The following AKAP13 variants were observed in gnomAD, a reference collection of about 807,000 sequenced individuals.
AKAP13 encodes the protein A-kinase anchor protein 13.
AKAP13 carries 80 observed loss-of-function variants against 264.5 expected under a neutral mutation model. The ratio of observed to expected loss-of-function variants is 0.30; its 90% confidence interval spans 0.25 to 0.36. The LOEUF (loss-of-function observed/expected upper bound fraction) is 0.36. Among genes scored for constraint, AKAP13 ranks in the 10% least tolerant of loss-of-function variants. The pLI, the probability that AKAP13 is intolerant of heterozygous loss-of-function variation, is 1.00. For synonymous variants in AKAP13, 1,380 were observed against 1,250.2 expected (o/e 1.10, Z -2.19); for missense variants, 3,712 against 3,435.2 (o/e 1.08, Z -2.01).
At position 85,735,145 on chromosome 15, in the gene AKAP13, C is replaced by T; in HGVS notation, c.7436C>T (p.Ser2479Leu). The stretch of plus-strand genomic sequence containing the variant: ...TTTGACAGCCATCAGATGAATGCTT[C>T]AAAAGGTAAATGATGTGAAGTCATG... ...GGFDSHQMNA[S>L]KGGEKEEGDD... is the part of the protein sequence containing the mutation. The change falls in exon 31 of 37, where the codon TCA becomes TTA. Residue 2479 changes from serine to leucine, a missense_variant. By Grantham distance (145) the Ser-to-Leu change is moderately radical. This residue lies in a region of AKAP13 where 611 missense variants were observed against 539.3 expected (regional missense o/e 1.13). Coordinates refer to ENST00000394518, the MANE Select transcript of AKAP13 (RefSeq NM_007200.5). 6.2e-7 allele frequency: 1 copy of T among 1,613,360 alleles called. No individual in the cohort carries two copies. Among genetic ancestry groups the T allele is most frequent in the Non-Finnish European group, 8.5e-7 (1 of 1,179,754 alleles).
At chr15:85,596,452 G>A (rs1419387487) in intron 8 of AKAP13, among the ~76,000 whole-genome samples, 2 of 152,034 alleles carry the variant, frequency 1.3e-5, no homozygotes, top group Non-Finnish European at 2.9e-5. Flanking sequence ...ACAAAAATTA[G>A]CCAGGCGTGG....
chr15:85,556,104 G>A (rs527331908), intron 5 of AKAP13, among the ~76,000 whole-genome samples: 34 of 152,142 alleles, frequency 2.2e-4, no homozygotes, highest in Non-Finnish European at 4.4e-4. Flanking sequence ...GATTGTGGCC[G>A]TTTCACTTAC....
chr15:85,393,569 A>G (rs915938378), intron 1 of AKAP13, among the ~76,000 whole-genome samples: 1 of 152,244 alleles, frequency 6.6e-6, no homozygotes, highest in African/African-American at 2.4e-5. Context: ...TTGAAAAAGT[A>G]AAGTTACTAT....
At chr15:85,673,795 C>G (rs187824329) in intron 14 of AKAP13, among the ~76,000 whole-genome samples, 1 of 148,622 alleles carries the variant, frequency 6.7e-6, no homozygotes, top group African/African-American at 2.5e-5. Flanking sequence ...ATGCCATTCT[C>G]CTGCCTCAAC....
chr15:85,633,239 G>A (rs62022872), intron 8 of AKAP13, among the ~76,000 whole-genome samples: 1 of 152,056 alleles, frequency 6.6e-6, no homozygotes, highest in Non-Finnish European at 1.5e-5. Flanking sequence ...CAGTAATATG[G>A]TAATTCGTAG....
At chr15:85,469,073 C>G (rs1393158127) in intron 1 of AKAP13, among the ~76,000 whole-genome samples, 1 of 137,838 alleles carries the variant, frequency 7.3e-6, no homozygotes, top group Non-Finnish European at 1.5e-5. Context: ...CACCACCACG[C>G]CCAGCTAATT....
intron 17 of AKAP13, among the ~76,000 whole-genome samples, chr15:85,703,395 T>G (rs1338482513): frequency 6.6e-6 from 1 of 152,240 alleles, no homozygotes; most frequent in East Asian, 1.9e-4. Context: ...TGGGGCTACT[T>G]CAGCTGAGAT....
rs142818288 is a variant in AKAP13 at position 85,508,092 on chromosome 15, G to A, written c.34-13336G>A. 3.3e-3 allele frequency among the ~76,000 whole-genome samples: 494 copies of A among 151,828 alleles called. 4 individuals carry two copies. The highest frequency in any genetic ancestry group is 8.5e-3 in the African/African-American group (353 of 41,394). ...CTCAAAGCATTTCAAGCAGGAATGA[G>A]CCCTGAGTAATATTGATGGAGCCTC... On this transcript the variant is annotated intron_variant, in intron 2 of 36. Transcript: ENST00000394518.
chr15:85,580,776 CTTTAGA>C lies in AKAP13; in HGVS notation c.2711_2716del (p.Leu904_Asp905del). 1.2e-6 allele frequency: 2 copies of C among 1,614,074 alleles called. No homozygotes were observed. Among genetic ancestry groups the C allele is most frequent in the Non-Finnish European group, 1.7e-6 (2 of 1,180,006 alleles). Reference sequence around the variant, plus strand: ...CAAAGTGTGGGTAAGGCCACTTTGGCTTTAGATTCAGTTTTGACTGAAGAAGGAAAA... The same window carrying C: ...CAAAGTGTGGGTAAGGCCACTTTGGCTTCAGTTTTGACTGAAGAAGGAAAA... On this transcript the variant is annotated inframe_deletion, in exon 7 of 37. Coordinates refer to ENST00000394518, the MANE Select transcript of AKAP13 (RefSeq NM_007200.5).
intron 2 of AKAP13, among the ~76,000 whole-genome samples, chr15:85,506,812 G>T (rs2076238391): frequency 6.6e-6 from 1 of 152,108 alleles, no homozygotes; most frequent in South Asian, 2.1e-4. Flanking sequence ...TCGTTTCATG[G>T]GCCCCCTTGG....
chr15:85,650,787 A>AAAAC (rs1567175492), intron 10 of AKAP13, among the ~76,000 whole-genome samples: 4 of 130,722 alleles, frequency 3.1e-5, no homozygotes, highest in African/African-American at 5.6e-5. Context: ...AAAAAAAAAA[A>AAAAC]AAACAACAAA....
At chr15:85,743,441 C>G in intron 35 of AKAP13, 51 bp from the exon 36 acceptor site, 1 of 1,568,094 alleles carries the variant, frequency 6.4e-7, no homozygotes, top group Admixed American at 1.8e-5. Context: ...GAGTTGGCAT[C>G]ACGGACGCTG....
chr15:85,421,308 C>G (rs866479051), intron 1 of AKAP13, among the ~76,000 whole-genome samples: 1 of 152,228 alleles, frequency 6.6e-6, no homozygotes, highest in African/African-American at 2.4e-5. Flanking sequence ...CACATTTGAA[C>G]TTGTGGAACA....
chr15:85,416,037 T>A (rs1191409486), intron 1 of AKAP13, among the ~76,000 whole-genome samples: 1 of 152,130 alleles, frequency 6.6e-6, no homozygotes, highest in African/African-American at 2.4e-5. Context: ...AAGATTCGAA[T>A]GAAGTGAGAT....
chr15:85,493,260 G>T (rs978411923), intron 2 of AKAP13, among the ~76,000 whole-genome samples: 1 of 152,178 alleles, frequency 6.6e-6, no homozygotes, highest in African/African-American at 2.4e-5. Flanking sequence ...AACATTCATT[G>T]AGTGAGTGAA....
chr15:85,405,650 A>G (rs1242025902), intron 1 of AKAP13, among the ~76,000 whole-genome samples: 1 of 152,234 alleles, frequency 6.6e-6, no homozygotes, highest in Non-Finnish European at 1.5e-5. Context: ...TTATTGAGCT[A>G]GTAAGGGCAG....
rs2151784332 is a variant in AKAP13 at position 85,741,080 on chromosome 15, A to T, written c.7643A>T (p.Asp2548Val). The T allele has an allele frequency of 1.9e-6, 3 of 1,613,040 alleles. No homozygotes were observed. The highest frequency in any genetic ancestry group is 2.2e-5 in the South Asian group (2 of 90,960). The stretch of plus-strand genomic sequence containing the variant: ...CTGCAGCAGGACAGCTACATTGAGG[A>T]CCAGAAACTGGTGCTGAGCGAGAGG... ...VVLQQDSYIE[D>V]QKLVLSERAL... is the part of the protein sequence containing the mutation. Residue 2548 changes from aspartate (D) to valine (V), a missense_variant, in exon 35 of 37, where the codon GAC (aspartate) becomes GTC (valine). Physicochemically the swap from Asp to Val is radical, Grantham distance 152. Around this residue, in one of 3 missense-constraint regions of AKAP13, gnomAD observed 611 missense variants for 539.3 expected, o/e 1.13. Coordinates refer to ENST00000394518, the MANE Select transcript of AKAP13 (RefSeq NM_007200.5).
At chr15:85,614,263 G>A (rs554550096) in intron 8 of AKAP13, among the ~76,000 whole-genome samples, 2 of 152,300 alleles carry the variant, frequency 1.3e-5, no homozygotes, top group Admixed American at 6.5e-5. Flanking sequence ...AAGCACGACG[G>A]CCATCTTTAA....
intron 14 of AKAP13, chr15:85,677,132 C>G: frequency 2.0e-6 from 2 of 985,436 alleles, no homozygotes; most frequent in Non-Finnish European, 2.4e-6. Flanking sequence ...AGTGACTGTT[C>G]TTGAAGGTCT....
Sources: allele counts gnomAD v4.1 joint callset (sites outside exome capture counted in the v4.1 genomes callset), GRCh38; gene constraint gnomAD v4.1.1; regional missense constraint gnomAD v4.1.1; transcripts MANE v1.5; gene names NCBI Gene and HGNC (gene_info 2026-07-23, HGNC 2026-07-21).